Variants in PIK3C2G observed in about 807,000 individuals in gnomAD.
The protein encoded by PIK3C2G is phosphatidylinositol 3-kinase C2 domain-containing subunit gamma.
A neutral mutation model predicts 181.1 loss-of-function variants in PIK3C2G; 168 were observed. That is an observed-to-expected ratio of 0.93 (90% CI 0.82 to 1.05). PIK3C2G has a LOEUF of 1.05. Among genes scored for constraint, PIK3C2G ranks in the 50% least tolerant of loss-of-function variants. PIK3C2G has a pLI of 0.00. For missense variants in PIK3C2G, 1,869 were observed against 1,732.8 expected (o/e 1.08, Z -1.40); for synonymous variants, 573 against 592.2 (o/e 0.97, Z 0.47).
chr12:18,439,353 T>A (rs1212805217), intron 18 of PIK3C2G, among the ~76,000 whole-genome samples: 1 of 152,070 alleles, frequency 6.6e-6, no homozygotes, highest in East Asian at 1.9e-4. Flanking sequence ...TTCACTCACA[T>A]CCCTCATCTG....
At chr12:18,422,989 A>T (rs1195966509) in intron 17 of PIK3C2G, among the ~76,000 whole-genome samples, 1 of 152,022 alleles carries the variant, frequency 6.6e-6, no homozygotes. Flanking sequence ...CTCACATCTT[A>T]GGAATTTATA....
At chr12:18,435,227 A>G in intron 18 of PIK3C2G, among the ~76,000 whole-genome samples, 1 of 152,102 alleles carries the variant, frequency 6.6e-6, no homozygotes, top group Non-Finnish European at 1.5e-5. Flanking sequence ...AATAATCTTT[A>G]TTTACTTATT....
At chr12:18,310,782 T>C (rs914162951) in intron 5 of PIK3C2G, among the ~76,000 whole-genome samples, 7 of 151,874 alleles carry the variant, frequency 4.6e-5, no homozygotes, top group South Asian at 2.1e-4. Context: ...AGAAACAATA[T>C]AGTTAATATA....
the PIK3C2G span, among the ~76,000 whole-genome samples, chr12:18,703,567 TAGAGAACCTTGTG>T: frequency 6.6e-6 from 1 of 152,312 alleles, no homozygotes; most frequent in Non-Finnish European, 1.5e-5. Context: ...ACCTTAGAGA[TAGAGAACCTTGTG>T]ATTACCTCTT....
chr12:18,683,372 G>T, the PIK3C2G span: 13 of 1,572,898 alleles, frequency 8.3e-6, no homozygotes, highest in Non-Finnish European at 1.1e-5. Context: ...ATTAATCAGT[G>T]GTGTCTCCAA....
At chr12:18,270,887 A>G (rs1948718890) in intron 1 of PIK3C2G, among the ~76,000 whole-genome samples, 1 of 152,184 alleles carries the variant, frequency 6.6e-6, no homozygotes, top group African/African-American at 2.4e-5. Flanking sequence ...TTTTCTCATA[A>G]AAGCAAGAAG....
At chr12:18,521,283 G>C (rs1034826895) in intron 24 of PIK3C2G, among the ~76,000 whole-genome samples, 6 of 152,228 alleles carry the variant, frequency 3.9e-5, no homozygotes, top group Non-Finnish European at 8.8e-5. Flanking sequence ...TGTGGTAGAA[G>C]GGTTGTGCTT....
Position 18,537,003 on chromosome 12 carries a change from A to C in PIK3C2G, c.3324-1153A>C, listed in dbSNP as rs1395273584. On this transcript the variant is annotated intron_variant, in intron 24 of 32. Coordinates refer to ENST00000538779, the MANE Select transcript of PIK3C2G (RefSeq NM_001288772.2). Reference sequence around the variant, plus strand: ...ACAAAATAAAGTTTCTAAATAAAATAATCATAGCCAAAAAACTCGAGTGTT... The same window carrying C: ...ACAAAATAAAGTTTCTAAATAAAATCATCATAGCCAAAAAACTCGAGTGTT... 3.3e-5 allele frequency among the ~76,000 whole-genome samples: 5 copies of C among 152,140 alleles called. No individual in the cohort carries two copies. In the East Asian group the frequency reaches 5.8e-4, roughly 18 times the overall value.
chr12:18,613,141 A>G (rs115465438), intron 31 of PIK3C2G, among the ~76,000 whole-genome samples: 1 of 152,216 alleles, frequency 6.6e-6, no homozygotes, highest in African/African-American at 2.4e-5. Flanking sequence ...ATTGATGTCT[A>G]CAATGTCTCT....
chr12:18,534,396 ACT>A (rs1943729492), intron 24 of PIK3C2G, among the ~76,000 whole-genome samples: 1 of 151,998 alleles, frequency 6.6e-6, no homozygotes, highest in Non-Finnish European at 1.5e-5. Context: ...TAAAATAATC[ACT>A]CTCTGCATTT....
chr12:18,654,697 T>C, the PIK3C2G span, among the ~76,000 whole-genome samples: 1 of 152,164 alleles, frequency 6.6e-6, no homozygotes, highest in African/African-American at 2.4e-5. Flanking sequence ...GTTGAGTACT[T>C]GGTCTGGATC....
chr12:18,710,397 C>A, the PIK3C2G span, among the ~76,000 whole-genome samples: 1 of 151,560 alleles, frequency 6.6e-6, no homozygotes, highest in Non-Finnish European at 1.5e-5. Context: ...ACTAAGGAGG[C>A]CAGAATGGCC....
At position 18,433,805 on chromosome 12, in the gene PIK3C2G, A is replaced by G. The variant is rs116564503; in HGVS notation, c.2504+9766A>G. 7.0e-3 allele frequency among the ~76,000 whole-genome samples: 1,064 copies of G among 152,302 alleles called. 6 individuals are homozygous for G. Among genetic ancestry groups the G allele is most frequent in the African/African-American group, 0.019 (778 of 41,564 alleles). On this transcript the variant is annotated intron_variant, in intron 18 of 32. Coordinates refer to ENST00000538779, the MANE Select transcript of PIK3C2G (RefSeq NM_001288772.2). ...CTCTAGGATGGGAAAGAACATGACA[A>G]TAATAAAATGTAGGCAAATGAGTGT...
chr12:18,490,961 A>G (rs995170568), intron 19 of PIK3C2G, among the ~76,000 whole-genome samples: 9 of 152,198 alleles, frequency 5.9e-5, no homozygotes, highest in Non-Finnish European at 1.5e-5. Flanking sequence ...CATTTCTGAC[A>G]GCATTATGCA....
the PIK3C2G span, among the ~76,000 whole-genome samples, chr12:18,679,556 A>C: frequency 3.9e-5 from 6 of 151,986 alleles, no homozygotes; most frequent in African/African-American, 1.4e-4. Flanking sequence ...ACCATAGGCA[A>C]TGTTTATAAT....
chr12:18,350,421 T>C (rs1480324284), intron 11 of PIK3C2G, among the ~76,000 whole-genome samples: 1 of 152,130 alleles, frequency 6.6e-6, no homozygotes, highest in Non-Finnish European at 1.5e-5. Context: ...TAATAAAGTA[T>C]ATCTGTGCAA....
chr12:18,692,953 A>T, the PIK3C2G span: 33 of 1,484,724 alleles, frequency 2.2e-5, no homozygotes, highest in Non-Finnish European at 3.1e-5. Context: ...ACTCAGTGCC[A>T]GTTAAAATTA....
intron 2 of PIK3C2G, among the ~76,000 whole-genome samples, chr12:18,285,708 G>A (rs1309307632): frequency 2.0e-5 from 3 of 151,254 alleles, no homozygotes; most frequent in Non-Finnish European, 3.0e-5. Context: ...ATAAAAAAAA[G>A]AAAAATAGAA....
intron 16 of PIK3C2G, among the ~76,000 whole-genome samples, chr12:18,420,022 A>C: frequency 6.6e-6 from 1 of 152,266 alleles, no homozygotes; most frequent in South Asian, 2.1e-4. Context: ...CTACAAAATT[A>C]ATTTCTGGTT....
Sources: allele counts gnomAD v4.1 joint callset (sites outside exome capture counted in the v4.1 genomes callset), GRCh38; gene constraint gnomAD v4.1.1; transcripts MANE v1.5; gene names NCBI Gene and HGNC (gene_info 2026-07-23, HGNC 2026-07-21).